Variants in STK32B observed in about 807,000 individuals in gnomAD.
STK32B encodes serine/threonine-protein kinase 32B.
Under a neutral mutation model 52.6 loss-of-function variants are expected in STK32B, and 43 were observed. That is an observed-to-expected ratio of 0.82 (90% CI 0.64 to 1.05). The LOEUF (loss-of-function observed/expected upper bound fraction) is 1.05, where lower values mean the gene tolerates loss of function less well. Among genes scored for constraint, STK32B ranks in the 50% least tolerant of loss-of-function variants. STK32B has a pLI of 0.00. For synonymous variants in STK32B, 238 were observed against 204.3 expected, an observed-to-expected ratio of 1.17 and a Z score of -1.41; for missense variants, 621 against 534.6, an observed-to-expected ratio of 1.16 and a Z score of -1.59.
At chr4:5,102,211 G>T (rs554411135) in intron 1 of STK32B, among the ~76,000 whole-genome samples, 1 of 152,170 alleles carries the variant, frequency 6.6e-6, no homozygotes, top group Non-Finnish European at 1.5e-5. Context: ...GCAGGTAGTT[G>T]TATCTGAGAA....
intron 11 of STK32B, among the ~76,000 whole-genome samples, chr4:5,473,381 G>A (rs1224987592): frequency 6.6e-6 from 1 of 152,226 alleles, no homozygotes; most frequent in African/African-American, 2.4e-5. Context: ...GGCAGGCGTG[G>A]CATAGATGGT....
intron 1 of STK32B, among the ~76,000 whole-genome samples, chr4:5,100,017 C>G (rs1318482135): frequency 1.3e-5 from 2 of 151,522 alleles, no homozygotes; most frequent in Non-Finnish European, 2.9e-5. Context: ...AAAAAAAACA[C>G]TGAATAGGTC....
At chr4:5,093,441 C>T (rs1266499527) in intron 1 of STK32B, among the ~76,000 whole-genome samples, 1 of 152,082 alleles carries the variant, frequency 6.6e-6, no homozygotes, top group Non-Finnish European at 1.5e-5. Context: ...CGAGTATCTA[C>T]TCTCAGCAAC....
intron 11 of STK32B, among the ~76,000 whole-genome samples, chr4:5,491,950 G>T (rs1351452869): frequency 1.3e-5 from 2 of 152,080 alleles, no homozygotes; most frequent in Non-Finnish European, 2.9e-5. Flanking sequence ...CTCTCTTTTG[G>T]TACCAGTACC....
At chr4:5,295,554 T>C (rs1410276478) in intron 3 of STK32B, among the ~76,000 whole-genome samples, 1 of 152,204 alleles carries the variant, frequency 6.6e-6, no homozygotes, top group Non-Finnish European at 1.5e-5. Flanking sequence ...TTCTAGTTTA[T>C]TTGCATAGAG....
the STK32B span, among the ~76,000 whole-genome samples, chr4:5,038,196 G>A: frequency 6.6e-6 from 1 of 152,124 alleles, no homozygotes; most frequent in East Asian, 1.9e-4. Context: ...CCATTCAGCT[G>A]TTCATTCATT....
At position 5,470,091 on chromosome 4, in the gene STK32B, C is replaced by T. The variant is rs1017186320; in HGVS notation, c.1106+2021C>T. On this transcript the variant is annotated intron_variant, in intron 11 of 11. Coordinates refer to ENST00000282908, the MANE Select transcript of STK32B (RefSeq NM_018401.3). This position sits in a 1 kb window ranked among gnomAD's most constrained non-coding sequence, Gnocchi z 4.6. ...TTTCACCTTTTGCTGTGTGCCAGAA[C>T]ATGCTTCAATTTGGATTCTTCCTTT... 1.3e-5 allele frequency among the ~76,000 whole-genome samples: 2 copies of T among 152,182 alleles called. No homozygotes were observed. Among genetic ancestry groups the T allele is most frequent in the African/African-American group, 4.8e-5 (2 of 41,434 alleles).
At position 5,460,188 on chromosome 4, in the gene STK32B, C is replaced by T. The variant is rs150966427; in HGVS notation, c.869C>T (p.Ala290Val). ...TACTTGGCCGACATGAACTGGGACG[C>T]GGTGTTCAAGAAGGCACTGATGCCC... ...VPYLADMNWD[A>V]VFKKALMPGF... is the part of the protein sequence containing the mutation. The change falls in exon 9 of 12, where the codon GCG (alanine) becomes GTG (valine). Residue 290 changes from alanine to valine, a missense_variant. Physicochemically the swap from Ala to Val is moderately conservative, Grantham distance 64. Transcript: ENST00000282908. This position sits in a 1 kb window ranked among gnomAD's most constrained non-coding sequence, Gnocchi z 4.8. The T allele has an allele frequency of 3.0e-5, 49 of 1,613,980 alleles. No individual in the cohort carries two copies. The highest frequency in any genetic ancestry group is 1.2e-4 in the Admixed American group (7 of 60,000).
intron 3 of STK32B, among the ~76,000 whole-genome samples, chr4:5,263,244 T>C (rs1348463167): frequency 6.6e-6 from 1 of 152,184 alleles, no homozygotes; most frequent in African/African-American, 2.4e-5. Context: ...CATATAATTC[T>C]TATGTATCAT....
intron 1 of STK32B, among the ~76,000 whole-genome samples, chr4:5,114,903 C>A (rs1714631977): frequency 6.6e-6 from 1 of 152,070 alleles, no homozygotes; most frequent in Admixed American, 6.6e-5. Flanking sequence ...ACCCTGCACC[C>A]CAAGCCTCTT....
rs60396290 is a variant in STK32B at position 5,165,895 on chromosome 4, G to T, written c.109-2404G>T. 2.2e-4 allele frequency among the ~76,000 whole-genome samples: 33 copies of T among 152,300 alleles called. 1 individual carries two copies. In the East Asian group the frequency reaches 6.0e-3, roughly 28 times the overall value. ...AACGTGCTATCTAATACATTGAGATGCAGTTGACATTTATCGTCCCTCAGT... is the reference window on the plus strand; with the variant it reads ...AACGTGCTATCTAATACATTGAGATTCAGTTGACATTTATCGTCCCTCAGT... On this transcript the variant is annotated intron_variant, in intron 2 of 11. Transcript: ENST00000282908.
intron 2 of STK32B, among the ~76,000 whole-genome samples, chr4:5,141,815 C>G (rs1716479038): frequency 6.6e-6 from 1 of 152,014 alleles, no homozygotes; most frequent in South Asian, 2.1e-4. Context: ...TTTTCACCCA[C>G]CCCCTCCACC....
Position 5,287,246 on chromosome 4 carries a change from A to G in STK32B, c.261-43974A>G, listed in dbSNP as rs544554678. On this transcript the variant is annotated intron_variant, in intron 3 of 11. Transcript: ENST00000282908. Reference sequence around the variant, plus strand: ...AGTCAACAGTGAATGAGGCAACAGAATTGATCTTCATCTTCAGCAACTCTT... The same window carrying G: ...AGTCAACAGTGAATGAGGCAACAGAGTTGATCTTCATCTTCAGCAACTCTT... Among the ~76,000 whole-genome samples, 47 of 152,322 alleles carry G rather than the reference A, an allele frequency of 3.1e-4. 2 individuals carry two copies. Among genetic ancestry groups the G allele is most frequent in the Admixed American group, 1.3e-4 (2 of 15,292 alleles).
chr4:5,019,464 A>C, the STK32B span: 1 of 1,444,612 alleles, frequency 6.9e-7, no homozygotes, highest in Non-Finnish European at 9.0e-7. Context: ...GCGCTGGTGC[A>C]GCCTCGCCGA....
At chr4:5,131,819 A>G (rs1330184242) in intron 1 of STK32B, among the ~76,000 whole-genome samples, 2 of 152,232 alleles carry the variant, frequency 1.3e-5, no homozygotes, top group African/African-American at 2.4e-5. Context: ...CCTGCCCCCA[A>G]CACAATCACT....
chr4:5,163,649 T>C (rs1718634897), intron 2 of STK32B, among the ~76,000 whole-genome samples: 2 of 151,964 alleles, frequency 1.3e-5, no homozygotes, highest in Admixed American at 1.3e-4. Context: ...TCAAACATTT[T>C]CTGAAGGCAA....
intron 3 of STK32B, among the ~76,000 whole-genome samples, chr4:5,276,308 C>G (rs1416104207): frequency 6.6e-6 from 1 of 151,856 alleles, no homozygotes; most frequent in Non-Finnish European, 1.5e-5. Flanking sequence ...AAAAAAAATT[C>G]ATTTAACCAG....
In STK32B at chr4:5,454,914, TA is replaced by T. The variant is rs961321784; in HGVS notation, c.667-1885del. Among the ~76,000 whole-genome samples the T allele has an allele frequency of 5.9e-5, 9 of 152,144 alleles. 1 individual carries two copies. The South Asian group carries it at 1.5e-3, about 25-fold the overall frequency. Reference sequence around the variant, plus strand: ...CATGGAAGTAACTTTCCCATTAGATTAAAAAAAATTGAAGAAAGATTTTTTA... The same window carrying T: ...CATGGAAGTAACTTTCCCATTAGATTAAAAAAATTGAAGAAAGATTTTTTA... On this transcript the variant is annotated intron_variant, in intron 7 of 11. Transcript: ENST00000282908.
At chr4:5,277,178 G>A (rs755644173) in intron 3 of STK32B, among the ~76,000 whole-genome samples, 1 of 152,194 alleles carries the variant, frequency 6.6e-6, no homozygotes, top group Non-Finnish European at 1.5e-5. Context: ...TTAGTTGTGT[G>A]TTTTCTGAAG....
Sources: allele counts gnomAD v4.1 joint callset (sites outside exome capture counted in the v4.1 genomes callset), GRCh38; gene constraint gnomAD v4.1.1; non-coding constraint Gnocchi (gnomAD v3.1); transcripts MANE v1.5; gene names NCBI Gene and HGNC (gene_info 2026-07-23, HGNC 2026-07-21).